TNFRSF10C: variants seen among roughly 807,000 people sequenced by gnomAD.
TNFRSF10C encodes the protein TNF receptor superfamily member 10c.
Under a neutral mutation model 16.7 loss-of-function variants are expected in TNFRSF10C, and 17 were observed. The observed-to-expected ratio is 1.02, with a 90% CI of 0.70 to 1.53. TNFRSF10C has a LOEUF of 1.53. Among genes scored for constraint, TNFRSF10C ranks in the 40% most tolerant of loss-of-function variants. The pLI, the probability that TNFRSF10C is intolerant of heterozygous loss-of-function variation, is 0.00. For missense variants in TNFRSF10C, 237 were observed against 329.7 expected, an observed-to-expected ratio of 0.72 and a Z score of 2.18; for synonymous variants, 73 against 119.7, an observed-to-expected ratio of 0.61 and a Z score of 2.55.
chr8:23,117,048 A>G lies in TNFRSF10C; in HGVS notation c.*17A>G. 6.2e-7 allele frequency: 1 copy of G among 1,610,730 alleles called. No individual in the cohort carries two copies. The highest frequency in any genetic ancestry group is 1.1e-5 in the South Asian group (1 of 90,828). ...TTTGTTTGAAAGACTTCACTGTGGA[A>G]GAAATTCCTTCCTTACCTGAAAGGT... On this transcript the variant is annotated 3_prime_UTR_variant, in exon 5 of 5. Coordinates refer to ENST00000356864, the MANE Select transcript of TNFRSF10C (RefSeq NM_003841.5).
intron 1 of TNFRSF10C, among the ~76,000 whole-genome samples, chr8:23,105,211 G>A (rs1563341890): frequency 6.6e-6 from 1 of 152,156 alleles, no homozygotes; most frequent in Non-Finnish European, 1.5e-5. Context: ...TGACTCTGGT[G>A]TGGCCCCAGC....
chr8:23,103,230 G>T (rs749917314), intron 1 of TNFRSF10C, 49 bp downstream of exon 1: 1 of 1,589,042 alleles, frequency 6.3e-7, no homozygotes, highest in Non-Finnish European at 8.6e-7. Flanking sequence ...ACCTGGCGCC[G>T]GGAGGGGGCA....
At chr8:23,116,508 C>G in intron 4 of TNFRSF10C, 133 bp from the exon 5 acceptor site, 1 of 1,277,792 alleles carries the variant, frequency 7.8e-7, no homozygotes, top group Non-Finnish European at 1.1e-6. Context: ...CTTGGGGGAC[C>G]CCCTCCAGAC....
intron 1 of TNFRSF10C, among the ~76,000 whole-genome samples, chr8:23,109,472 C>G (rs1813839308): frequency 6.6e-6 from 1 of 151,800 alleles, no homozygotes; most frequent in African/African-American, 2.4e-5. Flanking sequence ...CCTGTCTCTA[C>G]TAAAAATACA....
chr8:23,110,232 G>T (rs890849810), intron 1 of TNFRSF10C, among the ~76,000 whole-genome samples: 5 of 152,058 alleles, frequency 3.3e-5, no homozygotes. Flanking sequence ...ACTCCAACCC[G>T]GGAAAGAATG....
rs1280095392 is a variant in TNFRSF10C at position 23,111,803 on chromosome 8, C to A, written c.144C>A (p.Phe48Leu). Residue 48 changes from phenylalanine to leucine, a missense_variant, in exon 2 of 5, where the codon TTC becomes TTA. Around this residue, in one of 2 missense-constraint regions of TNFRSF10C, gnomAD observed 212 missense variants for 196.8 expected, o/e 1.08. Transcript: ENST00000356864. ...TVAPQQQRHS[F>L]KGEECPAGSH... Reference sequence around the variant, plus strand: ...CCCCACAGCAACAGAGGCACAGCTTCAAGGGGGAGGAGTGTCCAGCAGGTG... The same window carrying A: ...CCCCACAGCAACAGAGGCACAGCTTAAAGGGGGAGGAGTGTCCAGCAGGTG... 1.9e-6 allele frequency: 3 copies of A among 1,614,076 alleles called. No homozygotes were observed. Among genetic ancestry groups the A allele is most frequent in the African/African-American group, 1.3e-5 (1 of 75,036 alleles).
chr8:23,115,474 AAC>A, intron 3 of TNFRSF10C, 32 bp from the exon 4 acceptor site: 1 of 1,584,158 alleles, frequency 6.3e-7, no homozygotes, highest in African/African-American at 1.3e-5. Flanking sequence ...ACATCAGGGA[AAC>A]ACATTCCCAA....
Position 23,108,257 on chromosome 8 carries a change from C to T in TNFRSF10C, c.61-3463C>T, listed in dbSNP as rs184776790. Among the ~76,000 whole-genome samples the T allele has an allele frequency of 1.4e-4, 22 of 152,228 alleles. No homozygotes were observed. In the East Asian group the frequency reaches 1.9e-3, roughly 13 times the overall value. On this transcript the variant is annotated intron_variant, in intron 1 of 4. Coordinates refer to ENST00000356864, the MANE Select transcript of TNFRSF10C (RefSeq NM_003841.5). ...CAAGCAGGTGACTTGAGAAACAGTA[C>T]GCAGCCGGACCGCCTGAGTTGGGGT...
At chr8:23,113,829 G>A (rs185011294) in intron 2 of TNFRSF10C, among the ~76,000 whole-genome samples, 7 of 151,928 alleles carry the variant, frequency 4.6e-5, no homozygotes, top group South Asian at 2.1e-4. Flanking sequence ...GTGGTGCGTC[G>A]CCTATAATCC....
intron 3 of TNFRSF10C, 23 bp from the exon 4 acceptor site, chr8:23,115,485 A>G: frequency 6.2e-7 from 1 of 1,602,564 alleles, no homozygotes; most frequent in Non-Finnish European, 8.5e-7. Context: ...ACACATTCCC[A>G]AAACCTTATG....
At position 23,103,152 on chromosome 8, in the gene TNFRSF10C, G is replaced by C; in HGVS notation, c.31G>C (p.Val11Leu). MARIPKTLKF[V>L]VVIVAVLLPV... The stretch of plus-strand genomic sequence containing the variant: ...CCGGATCCCCAAGACCCTAAAGTTC[G>C]TCGTCGTCATCGTCGCGGTCCTGCT... Residue 11 changes from valine (V) to leucine (L), a missense_variant, in exon 1 of 5, where the codon GTC becomes CTC. Val to Leu is a conservative substitution (Grantham distance 32). Coordinates refer to ENST00000356864, the MANE Select transcript of TNFRSF10C (RefSeq NM_003841.5). 1 of 1,612,298 alleles carries C rather than the reference G, an allele frequency of 6.2e-7. No homozygotes were observed. Among genetic ancestry groups the C allele is most frequent in the Non-Finnish European group, 8.5e-7 (1 of 1,179,418 alleles).
intron 2 of TNFRSF10C, among the ~76,000 whole-genome samples, chr8:23,113,944 G>C (rs1178870688): frequency 6.7e-6 from 1 of 148,184 alleles, no homozygotes; most frequent in Non-Finnish European, 1.5e-5. Flanking sequence ...GACAGAGCAA[G>C]ACTCTGTCTC....
chr8:23,104,734 G>T (rs1813744730), intron 1 of TNFRSF10C, among the ~76,000 whole-genome samples: 1 of 152,214 alleles, frequency 6.6e-6, no homozygotes, highest in Non-Finnish European at 1.5e-5. Flanking sequence ...AGTCTAAGAT[G>T]TAAAACATAA....
chr8:23,117,245 A>T lies in TNFRSF10C; in HGVS notation c.*214A>T. 1.4e-6 allele frequency: 1 copy of T among 719,154 alleles called. No homozygotes were observed. The highest frequency in any genetic ancestry group is 1.9e-5 in the South Asian group (1 of 52,648). The allele number at this position is 719,154 out of a possible 1,614,324, so 44.5% of individuals were successfully genotyped here. A position where few individuals can be genotyped will look rare whatever the true frequency, so the allele number is the denominator to read the frequency against. On this transcript the variant is annotated 3_prime_UTR_variant, in exon 5 of 5. Transcript: ENST00000356864. Reference sequence around the variant, plus strand: ...CATCCCCACATCCCGTGCACCCCCCAGGACCCTGGTCTCATCAGTCCCTCT... The same window carrying T: ...CATCCCCACATCCCGTGCACCCCCCTGGACCCTGGTCTCATCAGTCCCTCT...
chr8:23,114,101 G>A (rs1350743369), intron 2 of TNFRSF10C, among the ~76,000 whole-genome samples: 3 of 152,168 alleles, frequency 2.0e-5, no homozygotes. Flanking sequence ...AAGTTGGACA[G>A]GGCCAGTCTT....
chr8:23,117,289 C>G lies in TNFRSF10C; in HGVS notation c.*258C>G. The G allele has an allele frequency of 1.7e-6, 1 of 578,978 alleles. No homozygotes were observed. Among genetic ancestry groups the G allele is most frequent in the East Asian group, 3.0e-5 (1 of 33,314 alleles). The allele number at this position is 578,978 out of a possible 1,614,324, so 35.9% of individuals were successfully genotyped here. On this transcript the variant is annotated 3_prime_UTR_variant, in exon 5 of 5. Coordinates refer to ENST00000356864, the MANE Select transcript of TNFRSF10C (RefSeq NM_003841.5). ...TCCCTCTCCTGGAGCTGGGGGTCCA[C>G]ACATCTCCCAGCCAAGTCCAAGAGG...
chr8:23,115,006 A>C (rs1813950528), intron 3 of TNFRSF10C, among the ~76,000 whole-genome samples: 2 of 152,198 alleles, frequency 1.3e-5, no homozygotes, highest in South Asian at 4.1e-4. Context: ...GGATCATTAG[A>C]GCATAGAGAA....
chr8:23,114,642 T>C lies in TNFRSF10C; in HGVS notation c.167-15T>C. ...CTGTGGTGACTCATTCATTGGCTTTTCTCTTCCTTCCCAGGATCTCATAGA... is the reference window on the plus strand; with the variant it reads ...CTGTGGTGACTCATTCATTGGCTTTCCTCTTCCTTCCCAGGATCTCATAGA... On this transcript the variant is annotated splice_polypyrimidine_tract_variant and intron_variant, in intron 2 of 4. Transcript: ENST00000356864. 1.2e-6 allele frequency: 2 copies of C among 1,606,580 alleles called. No homozygotes were observed. The highest frequency in any genetic ancestry group is 1.3e-5 in the African/African-American group (1 of 74,890).
chr8:23,107,982 C>T (rs1050494913), intron 1 of TNFRSF10C, among the ~76,000 whole-genome samples: 2 of 152,108 alleles, frequency 1.3e-5, no homozygotes, highest in Non-Finnish European at 2.9e-5. Context: ...ATTTTGTTAG[C>T]GGTGGATGAG....
Sources: gnomAD v4.1 joint callset for allele counts (sites outside exome capture counted in the v4.1 genomes callset) on GRCh38, gnomAD v4.1.1 for gene constraint, gnomAD v4.1.1 regional missense constraint, MANE v1.5 for transcripts, NCBI Gene and HGNC (gene_info 2026-07-23, HGNC 2026-07-21) for gene names.